The following ACTR10 variants were observed in gnomAD, a reference collection of about 807,000 sequenced individuals.
ACTR10 encodes actin-related protein 10.
A neutral mutation model predicts 56.2 loss-of-function variants in ACTR10; 43 were observed. The ratio of observed to expected loss-of-function variants is 0.77; its 90% CI spans 0.60 to 0.99. ACTR10 has a LOEUF of 0.99. Among genes scored for constraint, ACTR10 ranks in the 50% least tolerant of loss-of-function variants. The probability of loss-of-function intolerance (pLI) is 0.00; values close to 1 mark genes in which losing one functional copy is unlikely to be tolerated. For synonymous variants in ACTR10, 170 were observed against 176.3 expected, an observed-to-expected ratio of 0.96 and a Z score of 0.28; for missense variants, 466 against 507.8, an observed-to-expected ratio of 0.92 and a Z score of 0.79.
intron 8 of ACTR10, 123 bp downstream of exon 8, chr14:58,219,852 A>G (rs1889222564): frequency 1.7e-6 from 1 of 599,008 alleles, no homozygotes; most frequent in Non-Finnish European, 2.6e-6. Context: ...AGTATTTAAT[A>G]TATAGGTTAT....
intron 7 of ACTR10, among the ~76,000 whole-genome samples, chr14:58,219,111 C>A (rs775569619): frequency 6.6e-6 from 1 of 152,052 alleles, no homozygotes. Context: ...TGAGCCACTG[C>A]GCCTGGCCCC....
At chr14:58,208,856 T>C (rs1203271876) in intron 3 of ACTR10, 143 bp from the exon 4 acceptor site, 6 of 566,090 alleles carry the variant, frequency 1.1e-5, no homozygotes, top group Non-Finnish European at 1.9e-5. Context: ...AAATGTTATC[T>C]TTCTGGGGTA....
intron 2 of ACTR10, chr14:58,206,963 G>A (rs1221300165): frequency 1.3e-5 from 2 of 152,054 alleles, no homozygotes; most frequent in African/African-American, 2.4e-5. Context: ...GGACTAACAG[G>A]GACTGAACCA....
At chr14:58,205,337 C>T (rs189189246) in intron 2 of ACTR10, among the ~76,000 whole-genome samples, 1,336 of 110,584 alleles carry the variant, frequency 0.012, 21 homozygotes, top group African/African-American at 0.045. Flanking sequence ...TTTTTTGAGG[C>T]GGAGTCTTGC....
At position 58,232,618 on chromosome 14, in the gene ACTR10, G is replaced by A. The variant is rs553208573; in HGVS notation, c.1072+351G>A. Among the ~76,000 whole-genome samples the A allele has an allele frequency of 5.3e-5, 8 of 151,710 alleles. 1 individual carries two copies. In the South Asian group the frequency reaches 1.7e-3, roughly 32 times the overall value. On this transcript the variant is annotated intron_variant, in intron 12 of 12. Coordinates refer to ENST00000254286, the MANE Select transcript of ACTR10 (RefSeq NM_018477.3). ...TTTAGTAGAGACGGGGTTTCACCAT[G>A]TTGGCCAGGATGGTCTCGATCTCTT... is the stretch of plus-strand genomic sequence containing the variant.
chr14:58,210,575 A>G (rs1888968599), intron 4 of ACTR10, among the ~76,000 whole-genome samples: 1 of 152,196 alleles, frequency 6.6e-6, no homozygotes, highest in Non-Finnish European at 1.5e-5. Flanking sequence ...AATAAAAACA[A>G]TGAAGAATTT....
At chr14:58,220,095 G>A (rs959821891) in intron 8 of ACTR10, among the ~76,000 whole-genome samples, 6 of 152,042 alleles carry the variant, frequency 3.9e-5, no homozygotes, top group African/African-American at 7.2e-5. Context: ...AAGAACTTCC[G>A]GAATTGTGAC....
chr14:58,226,103 A>T (rs928304241), intron 10 of ACTR10, among the ~76,000 whole-genome samples: 11 of 152,104 alleles, frequency 7.2e-5, no homozygotes, highest in African/African-American at 2.4e-4. Context: ...TCTACAAAAA[A>T]AAATTTTTTT....
intron 12 of ACTR10, 34 bp from the exon 13 acceptor site, chr14:58,234,336 C>T (rs553416044): frequency 6.6e-6 from 10 of 1,511,010 alleles, no homozygotes; most frequent in Admixed American, 6.2e-5. Context: ...TAAAAGTTTT[C>T]ATCTTAGCTA....
chr14:58,225,313 C>T (rs1207353768), intron 10 of ACTR10, among the ~76,000 whole-genome samples: 1 of 152,104 alleles, frequency 6.6e-6, no homozygotes, highest in African/African-American at 2.4e-5. Context: ...TTAAGACTTA[C>T]ATAATCATAT....
intron 6 of ACTR10, among the ~76,000 whole-genome samples, chr14:58,214,029 T>C (rs1209796958): frequency 6.6e-6 from 1 of 152,248 alleles, no homozygotes; most frequent in Non-Finnish European, 1.5e-5. Flanking sequence ...AATCCAGTTA[T>C]ACTCTTTACA....
In ACTR10 at chr14:58,234,736, TA is replaced by T. The variant is rs1889635966; in HGVS notation, c.*186del. On this transcript the variant is annotated 3_prime_UTR_variant, in exon 13 of 13. Coordinates refer to ENST00000254286, the MANE Select transcript of ACTR10 (RefSeq NM_018477.3). ...TTTCTCTTGTGTAGTGGTAAAATGG[TA>T]GCTGGTGCTTATTGAGATTTGCTGT... 1 of 455,702 alleles carries T rather than the reference TA, an allele frequency of 2.2e-6. No individual in the cohort carries two copies. Among genetic ancestry groups the T allele is most frequent in the African/African-American group, 2.0e-5 (1 of 49,800 alleles). 28.2% of individuals were successfully genotyped at this position (455,702 alleles called of 1,614,324 possible).
intron 7 of ACTR10, 54 bp from the exon 8 acceptor site, chr14:58,219,636 TAATA>T: frequency 8.7e-7 from 1 of 1,143,994 alleles, no homozygotes; most frequent in South Asian, 1.8e-5. Flanking sequence ...GAAGGCAATT[TAATA>T]GACTGTTTTT....
At chr14:58,217,495 C>CTT in intron 7 of ACTR10, among the ~76,000 whole-genome samples, 1 of 151,834 alleles carries the variant, frequency 6.6e-6, no homozygotes, top group African/African-American at 2.4e-5. Context: ...TGGTGAAACC[C>CTT]TGTTTCTACA....
intron 11 of ACTR10, among the ~76,000 whole-genome samples, 166 bp from the exon 12 acceptor site, chr14:58,231,900 A>T (rs1332845175): frequency 1.3e-5 from 2 of 152,162 alleles, no homozygotes; most frequent in Non-Finnish European, 2.9e-5. Context: ...TACATGAAAG[A>T]AACCTTGCTG....
At chr14:58,217,109 A>T (rs1399615145) in intron 7 of ACTR10, among the ~76,000 whole-genome samples, 4 of 152,250 alleles carry the variant, frequency 2.6e-5, no homozygotes, top group Non-Finnish European at 1.5e-5. Context: ...TTTTGGTGAC[A>T]GGTAATTTAT....
At chr14:58,213,607 G>T (rs1475085850) in intron 5 of ACTR10, 24 bp from the exon 6 acceptor site, 1 of 1,533,284 alleles carries the variant, frequency 6.5e-7, no homozygotes, top group Non-Finnish European at 8.9e-7. Context: ...TCCTAAAATA[G>T]TAGTATCCTT....
chr14:58,219,678 G>A lies in ACTR10; in HGVS notation c.599-16G>A. On this transcript the variant is annotated splice_polypyrimidine_tract_variant and intron_variant, in intron 7 of 12. Transcript: ENST00000254286. The stretch of plus-strand genomic sequence containing the variant: ...TTATTAAAGTTTTATAATTCTAAAT[G>A]AAATATTTGTTTTAGGTTCAGTTCC... 4 of 1,442,406 alleles carry A rather than the reference G, an allele frequency of 2.8e-6. No individual in the cohort carries two copies. In the South Asian group the frequency reaches 4.3e-5, roughly 15 times the overall value. The allele number at this position is 1,442,406 out of a possible 1,614,324, so 89.4% of individuals were successfully genotyped here.
At chr14:58,211,871 C>T (rs1175639385) in intron 5 of ACTR10, among the ~76,000 whole-genome samples, 3 of 150,680 alleles carry the variant, frequency 2.0e-5, no homozygotes, top group African/African-American at 4.9e-5. Context: ...ACCCGGGAGG[C>T]GGAGCTTGCA....
Sources: gnomAD v4.1 joint callset for allele counts (sites outside exome capture counted in the v4.1 genomes callset) on GRCh38, gnomAD v4.1.1 for gene constraint, MANE v1.5 for transcripts, NCBI Gene and HGNC (gene_info 2026-07-23, HGNC 2026-07-21) for gene names.